CCDC148: variants seen among roughly 807,000 people sequenced by gnomAD.
CCDC148 encodes coiled-coil domain-containing protein 148.
In CCDC148, 89 loss-of-function variants were observed where a neutral mutation model predicts 85.7. That is an observed-to-expected ratio of 1.04 (90% CI 0.87 to 1.24). The LOEUF is 1.24. CCDC148 is among the 50% of genes most tolerant of loss of function. CCDC148 has a pLI of 0.00. For missense variants in CCDC148, 692 were observed against 671.7 expected (o/e 1.03, Z -0.33); for synonymous variants, 230 against 213.9 (o/e 1.08, Z -0.66).
chr2:158,242,230 C>T (rs937623647), intron 10 of CCDC148, among the ~76,000 whole-genome samples: 1 of 152,162 alleles, frequency 6.6e-6, no homozygotes, highest in African/African-American at 2.4e-5. Flanking sequence ...ATTAAAACCA[C>T]TGCCTCTCAT....
intron 11 of CCDC148, among the ~76,000 whole-genome samples, chr2:158,217,308 A>C: frequency 7.1e-6 from 1 of 140,972 alleles, no homozygotes. Context: ...TTATTTATGT[A>C]GGTATATATA....
chr2:158,201,836 T>C (rs1029692403), intron 11 of CCDC148, among the ~76,000 whole-genome samples: 3 of 152,210 alleles, frequency 2.0e-5, no homozygotes, highest in Admixed American at 6.6e-5. Flanking sequence ...TAGATACTAA[T>C]TGATATTATG....
intron 9 of CCDC148, among the ~76,000 whole-genome samples, chr2:158,280,667 C>T (rs1690237978): frequency 1.3e-5 from 2 of 152,174 alleles, no homozygotes. Flanking sequence ...GACTACCACA[C>T]ATTAATAACG....
Position 158,309,719 on chromosome 2 carries a change from G to T in CCDC148, c.904-80C>A. 6 of 1,000,710 alleles carry T rather than the reference G, an allele frequency of 6.0e-6. No homozygotes were observed. The South Asian group carries it at 6.6e-5, about 11-fold the overall frequency. The allele number at this position is 1,000,710 out of a possible 1,614,324, so 62.0% of individuals were successfully genotyped here. ...TGCATCATTGTTACAAAAATGAAAA[G>T]AAAATGAATTATAACCAATGATTTT... On this transcript the variant is annotated intron_variant, in intron 8 of 13. Transcript: ENST00000283233.
intron 7 of CCDC148, among the ~76,000 whole-genome samples, chr2:158,330,040 C>T (rs1273555772): frequency 1.3e-5 from 2 of 152,146 alleles, no homozygotes; most frequent in African/African-American, 4.8e-5. Context: ...ACTTCCAACG[C>T]TATGTTGAAT....
At chr2:158,340,189 GT>G in intron 5 of CCDC148, 52 bp downstream of exon 5, 1 of 1,558,206 alleles carries the variant, frequency 6.4e-7, no homozygotes, top group Middle Eastern at 1.8e-4. Context: ...AACTCTTCTA[GT>G]TGGGACAAAA....
chr2:158,305,810 C>A (rs1221641698), intron 9 of CCDC148, among the ~76,000 whole-genome samples: 1 of 148,706 alleles, frequency 6.7e-6, no homozygotes, highest in Non-Finnish European at 1.5e-5. Flanking sequence ...ACAGGCTCAC[C>A]AGGAAGCCTA....
intron 9 of CCDC148, among the ~76,000 whole-genome samples, chr2:158,266,513 T>C (rs1191563902): frequency 6.6e-6 from 1 of 152,188 alleles, no homozygotes; most frequent in Non-Finnish European, 1.5e-5. Flanking sequence ...ACAGGTGGTA[T>C]CTGGCTACAC....
At chr2:158,394,352 T>C (rs1216483578) in intron 1 of CCDC148, among the ~76,000 whole-genome samples, 1 of 152,064 alleles carries the variant, frequency 6.6e-6, no homozygotes, top group East Asian at 1.9e-4. Context: ...AATAAAATTT[T>C]TCATAGCTGA....
In CCDC148 at chr2:158,217,376, AT is replaced by A. The variant is rs1686934214; in HGVS notation, c.1370+3218del. On this transcript the variant is annotated intron_variant, in intron 11 of 13. Coordinates refer to ENST00000283233, the MANE Select transcript of CCDC148 (RefSeq NM_138803.4). ...TATATAAAATTTTGTGTGTGTGTGT[AT>A]ATATATATATATATATACACACACA... Among the ~76,000 whole-genome samples, 5 of 83,024 alleles carry A rather than the reference AT, an allele frequency of 6.0e-5. No individual in the cohort carries two copies. The South Asian group carries it at 2.5e-3, about 42-fold the overall frequency. The allele number at this position is 83,024 out of a possible 152,430, so 54.5% of individuals were successfully genotyped here. A position where few individuals can be genotyped will look rare whatever the true frequency, so the allele number is the denominator to read the frequency against.
At chr2:158,303,686 T>G (rs1157705987) in intron 9 of CCDC148, among the ~76,000 whole-genome samples, 1 of 152,210 alleles carries the variant, frequency 6.6e-6, no homozygotes, top group Non-Finnish European at 1.5e-5. Flanking sequence ...CTTTATGTTC[T>G]GATTTCCCCC....
intron 10 of CCDC148, among the ~76,000 whole-genome samples, chr2:158,223,744 C>T (rs552945485): frequency 6.6e-6 from 1 of 152,304 alleles, no homozygotes; most frequent in African/African-American, 2.4e-5. Flanking sequence ...CTCCAACAGA[C>T]CTGCAGCTGA....
chr2:158,178,243 G>A (rs892376140), intron 12 of CCDC148: 1 of 152,010 alleles, frequency 6.6e-6, no homozygotes, highest in Non-Finnish European at 1.5e-5. Flanking sequence ...GGGAAACGGT[G>A]TCAATGAAGA....
chr2:158,408,192 C>T (rs968059188), intron 1 of CCDC148, among the ~76,000 whole-genome samples: 12 of 152,104 alleles, frequency 7.9e-5, no homozygotes, highest in African/African-American at 2.7e-4. Flanking sequence ...ATCTAATTAA[C>T]GTATCTATCA....
chr2:158,250,237 C>T (rs989078608), intron 10 of CCDC148, among the ~76,000 whole-genome samples: 4 of 151,840 alleles, frequency 2.6e-5, no homozygotes, highest in African/African-American at 7.3e-5. Flanking sequence ...TAAGATTGTG[C>T]AACAAATGTT....
At chr2:158,316,455 T>C (rs571813787) in intron 7 of CCDC148, among the ~76,000 whole-genome samples, 1 of 152,198 alleles carries the variant, frequency 6.6e-6, no homozygotes, top group Non-Finnish European at 1.5e-5. Flanking sequence ...TGCCATGAAC[T>C]GTCACCATAT....
At chr2:158,373,382 T>C (rs1222887624) in intron 1 of CCDC148, among the ~76,000 whole-genome samples, 1 of 152,068 alleles carries the variant, frequency 6.6e-6, no homozygotes, top group Non-Finnish European at 1.5e-5. Flanking sequence ...TCACTAAGGT[T>C]GTGGTAATGT....
chr2:158,292,836 G>C (rs1386504619), intron 9 of CCDC148, among the ~76,000 whole-genome samples: 1 of 152,204 alleles, frequency 6.6e-6, no homozygotes, highest in Non-Finnish European at 1.5e-5. Flanking sequence ...ATAAAAGCCA[G>C]ATGTAAACTA....
At chr2:158,374,052 T>A (rs10933475) in intron 1 of CCDC148, among the ~76,000 whole-genome samples, 61,469 of 151,870 alleles carry the variant, frequency 0.4, 13,130 homozygotes, top group South Asian at 0.61. Context: ...AAACATATAG[T>A]TTTCACCTGC....
Sources: allele counts gnomAD v4.1 joint callset (sites outside exome capture counted in the v4.1 genomes callset), GRCh38; gene constraint gnomAD v4.1.1; transcripts MANE v1.5; gene names NCBI Gene and HGNC (gene_info 2026-07-23, HGNC 2026-07-21).